The following ZFP64 variants were observed in gnomAD, a reference collection of about 807,000 sequenced individuals.
ZFP64 encodes the protein zinc finger protein 64.
In ZFP64, 14 loss-of-function variants were observed where a neutral mutation model predicts 51.6. The observed-to-expected ratio is 0.27, with a 90% CI of 0.18 to 0.42. ZFP64 has a LOEUF of 0.42. Among genes scored for constraint, ZFP64 ranks in the 10% least tolerant of loss-of-function variants. The probability of loss-of-function intolerance (pLI) is 1.00; values close to 1 mark genes in which losing one functional copy is unlikely to be tolerated. For synonymous variants in ZFP64, 375 were observed against 361.4 expected, an observed-to-expected ratio of 1.04 and a Z score of -0.43; for missense variants, 754 against 906.8, an observed-to-expected ratio of 0.83 and a Z score of 2.16.
At chr20:52,166,266 G>A (rs968210707) in intron 2 of ZFP64, among the ~76,000 whole-genome samples, 1 of 151,962 alleles carries the variant, frequency 6.6e-6, no homozygotes, top group African/African-American at 2.4e-5. Flanking sequence ...AGGGTGGGCA[G>A]GGCAGATGGT....
intron 1 of ZFP64, 117 bp from the exon 2 acceptor site, chr20:52,187,188 C>A (rs925685436): frequency 4.8e-5 from 52 of 1,086,644 alleles, no homozygotes; most frequent in Non-Finnish European, 6.5e-5. Flanking sequence ...GGTAGTGGCC[C>A]AGTATCCACT....
intron 2 of ZFP64, among the ~76,000 whole-genome samples, chr20:52,171,037 T>C (rs1005614325): frequency 1.2e-4 from 18 of 152,216 alleles, no homozygotes; most frequent in Non-Finnish European, 1.8e-4. Flanking sequence ...CATGGAAGCA[T>C]ATAATTATTA....
At chr20:52,088,534 C>G (rs757893006) in exon 8 of ZFP64, 1 of 1,614,184 alleles carries the variant, frequency 6.2e-7, no homozygotes, top group Admixed American at 1.7e-5. Context: ...CGTAGTCACA[C>G]AGGTGACACT....
chr20:52,123,043 A>C (rs967472528), intron 5 of ZFP64, among the ~76,000 whole-genome samples: 1 of 151,776 alleles, frequency 6.6e-6, no homozygotes, highest in Non-Finnish European at 1.5e-5. Context: ...GTTGGAGTGC[A>C]GTGGTGGTGC....
chr20:52,120,274 T>A (rs979903942), intron 5 of ZFP64, among the ~76,000 whole-genome samples: 1 of 152,140 alleles, frequency 6.6e-6, no homozygotes, highest in Non-Finnish European at 1.5e-5. Context: ...CACTTTGTTA[T>A]AGCAGTTAGA....
chr20:52,178,889 T>G (rs1421702065), intron 2 of ZFP64, among the ~76,000 whole-genome samples: 2 of 152,146 alleles, frequency 1.3e-5, no homozygotes, highest in African/African-American at 4.8e-5. Context: ...GTCTTACAAC[T>G]AAATCCTCCT....
At chr20:52,183,052 G>C (rs774790733) in intron 2 of ZFP64, among the ~76,000 whole-genome samples, 2 of 152,180 alleles carry the variant, frequency 1.3e-5, no homozygotes, top group Non-Finnish European at 2.9e-5. Context: ...GTTCCAGGCA[G>C]AAGGAACAAT....
chr20:52,084,363 G>A (rs2078841426), exon 9 of ZFP64: 1 of 586,722 alleles, frequency 1.7e-6, no homozygotes, highest in African/African-American at 1.9e-5. Context: ...CAAATGCGAG[G>A]AGTGTCTCCA....
At chr20:52,150,324 A>G (rs1980731725), downstream of ZFP64, among the ~76,000 whole-genome samples, 1 of 152,146 alleles carries the variant, frequency 6.6e-6, no homozygotes, top group African/African-American at 2.4e-5. Flanking sequence ...TCTGTTTTTC[A>G]TATTTTCTAT....
chr20:52,191,083 C>G lies in ZFP64; in HGVS notation c.46+508G>C, dbSNP rs779529540. 1.3e-5 allele frequency among the ~76,000 whole-genome samples: 2 copies of G among 151,852 alleles called. No individual in the cohort carries two copies. Among genetic ancestry groups the G allele is most frequent in the Non-Finnish European group, 2.9e-5 (2 of 67,946 alleles). ...CAAACCCAAATAAAGCGACCACGGC[C>G]CCGTTTTCCATTCAGATCTCCACCC... is the stretch of plus-strand genomic sequence containing the variant. On this transcript the variant is annotated intron_variant, in intron 1 of 5. Coordinates refer to ENST00000216923, the MANE Select transcript of ZFP64 (RefSeq NM_018197.3). This position sits in a 1 kb window ranked among gnomAD's most constrained non-coding sequence, Gnocchi z 4.3.
intron 7 of ZFP64, chr20:52,089,184 A>C: frequency 2.8e-6 from 1 of 357,722 alleles, no homozygotes; most frequent in Non-Finnish European, 5.5e-6. Context: ...CCCTAGCCCA[A>C]CCCTTCCAGG....
At chr20:52,163,647 G>T (rs1293964355) in intron 4 of ZFP64, among the ~76,000 whole-genome samples, 1 of 152,142 alleles carries the variant, frequency 6.6e-6, no homozygotes, top group African/African-American at 2.4e-5. Flanking sequence ...ATAACTGTTG[G>T]TTACTCATCT....
downstream of ZFP64, among the ~76,000 whole-genome samples, chr20:52,150,091 G>A (rs1249066488): frequency 1.3e-5 from 2 of 151,790 alleles, no homozygotes; most frequent in Non-Finnish European, 2.9e-5. Flanking sequence ...TAGAGTCCCA[G>A]CTACTCAGGA....
intron 5 of ZFP64, chr20:52,104,761 C>T (rs1206706817): frequency 3.7e-6 from 2 of 545,602 alleles, no homozygotes; most frequent in Non-Finnish European, 7.3e-6. Context: ...GGCAAGAAGC[C>T]ACCTTCCAGG....
chr20:52,085,102 G>A lies in ZFP64; in HGVS notation c.1393C>T (p.His465Tyr). 6.2e-7 allele frequency: 1 copy of A among 1,614,260 alleles called. No individual in the cohort carries two copies. The highest frequency in any genetic ancestry group is 8.5e-7 in the Non-Finnish European group (1 of 1,180,048). The change falls in exon 9 of 9, where the codon CAC becomes TAC. Residue 465 changes from histidine to tyrosine, a missense_variant. By Grantham distance (83) the His-to-Tyr change is moderately conservative. Transcript: ENST00000361387. This position sits in a 1 kb window ranked among gnomAD's most constrained non-coding sequence, Gnocchi z 4.3. ...GCACAGTGCAGACATTTGAAGGTGT[G>A]CTTGATGCGGATGTGCGATTTGAGA...
Position 52,096,779 on chromosome 20 carries a change from T to A in ZFP64, c.976+594A>T, listed in dbSNP as rs138449437. ...TGGCAGGCGCCTGTAATCCTAGCTA[T>A]TCAGGAGGCTGGGGCAGGAGAATCA... On this transcript the variant is annotated intron_variant, in intron 7 of 8. Coordinates refer to the ZFP64 transcript ENST00000361387. The A allele has an allele frequency of 1.2e-3, 264 of 228,560 alleles. 1 individual carries two copies. The East Asian group carries it at 0.013, about 12-fold the overall frequency. The allele number at this position is 228,560 out of a possible 1,614,324, so 14.2% of individuals were successfully genotyped here.
At chr20:52,179,222 C>T (rs971350133) in intron 2 of ZFP64, among the ~76,000 whole-genome samples, 4 of 152,188 alleles carry the variant, frequency 2.6e-5, no homozygotes, top group African/African-American at 9.7e-5. Flanking sequence ...ATGTGCCTTT[C>T]ACCTTCTGCC....
intron 5 of ZFP64, among the ~76,000 whole-genome samples, chr20:52,140,318 T>A (rs1423668242): frequency 6.6e-6 from 1 of 152,228 alleles, no homozygotes; most frequent in East Asian, 1.9e-4. Flanking sequence ...GGAAGGCATG[T>A]TGAAAGCCAA....
chr20:52,094,741 A>G (rs1236653996), intron 7 of ZFP64, among the ~76,000 whole-genome samples: 2 of 135,682 alleles, frequency 1.5e-5, no homozygotes, highest in Non-Finnish European at 3.0e-5. Context: ...CTGTCTCAAA[A>G]TAAATAAATA....
Sources: allele counts gnomAD v4.1 joint callset (sites outside exome capture counted in the v4.1 genomes callset), GRCh38; gene constraint gnomAD v4.1.1; non-coding constraint Gnocchi (gnomAD v3.1); transcripts MANE v1.5; gene names NCBI Gene and HGNC (gene_info 2026-07-23, HGNC 2026-07-21).